Variants in THADA observed in about 807,000 individuals in gnomAD.
THADA encodes tRNA (32-2'-O)-methyltransferase regulator THADA.
In THADA, 213 loss-of-function variants were observed where a neutral mutation model predicts 219.8. The ratio of observed to expected loss-of-function variants is 0.97; its 90% CI spans 0.87 to 1.09. The LOEUF (loss-of-function observed/expected upper bound fraction) is 1.09, where lower values mean the gene tolerates loss of function less well. Among genes scored for constraint, THADA ranks in the 50% least tolerant of loss-of-function variants. The pLI, the probability that THADA is intolerant of heterozygous loss-of-function variation, is 0.00. For synonymous variants in THADA, 1,018 were observed against 828.9 expected (o/e 1.23, Z -3.92); for missense variants, 2,956 against 2,311.3 (o/e 1.28, Z -5.72).
chr2:43,485,381 G>T, intron 25 of THADA, 56 bp from the exon 26 acceptor site: 3 of 1,230,600 alleles, frequency 2.4e-6, no homozygotes, highest in Middle Eastern at 1.9e-4. Flanking sequence ...TGAAACCAAC[G>T]TTTACAATGT....
chr2:43,560,363 C>G lies in THADA; in HGVS notation c.2334G>C (p.Gln778His), dbSNP rs756102827. 3 of 1,594,520 alleles carry G rather than the reference C, an allele frequency of 1.9e-6. 1 individual carries two copies. In the South Asian group the frequency reaches 3.5e-5, roughly 18 times the overall value. The change falls in exon 16 of 38, where the codon CAG becomes CAC. Residue 778 changes from glutamine to histidine, a missense_variant. Physicochemically the swap from Gln to His is conservative, Grantham distance 24. Transcript: ENST00000405975. ...GACCAACATCAATATCATGACTCAG[C>G]TGATATACTGTATAAATTCTGCCTA... ...VPEGRIYTVYQLSHDIDVGRF... is the reference protein window; with the variant it reads ...VPEGRIYTVYHLSHDIDVGRF...
chr2:43,266,955 C>CT (rs1375894744), intron 36 of THADA, among the ~76,000 whole-genome samples: 6 of 152,050 alleles, frequency 3.9e-5, no homozygotes, highest in South Asian at 4.2e-4. Flanking sequence ...GCCATTGCTC[C>CT]TTTTTTTTGG....
At chr2:43,335,786 T>C (rs1373924169) in intron 30 of THADA, among the ~76,000 whole-genome samples, 1 of 137,104 alleles carries the variant, frequency 7.3e-6, no homozygotes, top group Non-Finnish European at 1.5e-5. Context: ...AGCAAGCCCC[T>C]GTCTCTACTT....
At chr2:43,279,718 T>C in intron 36 of THADA, 47 bp downstream of exon 36, 2 of 1,523,654 alleles carry the variant, frequency 1.3e-6, no homozygotes, top group South Asian at 1.3e-5. Context: ...TGTTCCAACC[T>C]CTATCCTGCA....
chr2:43,231,611 A>C (rs1252349282), intron 37 of THADA, among the ~76,000 whole-genome samples: 1 of 152,216 alleles, frequency 6.6e-6, no homozygotes, highest in African/African-American at 2.4e-5. Context: ...TTTGTGGTTC[A>C]AAGTCAAGAT....
intron 7 of THADA, 42 bp from the exon 8 acceptor site, chr2:43,581,970 C>A: frequency 7.1e-7 from 1 of 1,409,064 alleles, no homozygotes; most frequent in Non-Finnish European, 9.4e-7. Flanking sequence ...GAAATTCAAA[C>A]AAAAGTGTGA....
rs1558464607 is a variant in THADA, at chr2:43,248,198, GA to G, written c.5297-15317del. Among the ~76,000 whole-genome samples, 16 of 136,644 alleles carry G rather than the reference GA, an allele frequency of 1.2e-4. No individual in the cohort carries two copies. In the East Asian group the frequency reaches 1.3e-3, roughly 11 times the overall value. 89.6% of individuals were successfully genotyped at this position (136,644 alleles called of 152,430 possible). ...AGAGAGAGAGAGAGAGAGAGAGAGA[GA>G]GAGAGAGAGAGAGAGACAGAGAGAG... On this transcript the variant is annotated intron_variant, in intron 36 of 37. Transcript: ENST00000405975.
At chr2:43,430,506 CT>C in intron 26 of THADA, 2 of 545,414 alleles carry the variant, frequency 3.7e-6, no homozygotes, top group Non-Finnish European at 6.6e-6. Flanking sequence ...AATCCATGAA[CT>C]TTTATCTCAA....
At chr2:43,464,181 C>T (rs938754634) in intron 26 of THADA, among the ~76,000 whole-genome samples, 4 of 152,072 alleles carry the variant, frequency 2.6e-5, no homozygotes, top group African/African-American at 9.7e-5. Flanking sequence ...GTGGGTAAAA[C>T]CAAAAATGTC....
At chr2:43,294,914 C>T (rs1037438029) in intron 31 of THADA, among the ~76,000 whole-genome samples, 8 of 152,140 alleles carry the variant, frequency 5.3e-5, no homozygotes, top group South Asian at 2.1e-4. Context: ...GTAGGAGTCT[C>T]GGGTACCTCC....
chr2:43,272,453 C>T (rs1475266624), intron 36 of THADA, among the ~76,000 whole-genome samples: 1 of 152,164 alleles, frequency 6.6e-6, no homozygotes, highest in South Asian at 2.1e-4. Flanking sequence ...ACAAGCCTGG[C>T]GGACAGGCAC....
Position 43,566,827 on chromosome 2 carries a change from A to AAG in THADA, c.2188-7_2188-6insCT, listed in dbSNP as rs1238692169. On this transcript the variant is annotated splice_region_variant and splice_polypyrimidine_tract_variant and intron_variant, in intron 14 of 37. Transcript: ENST00000405975. ...CAAATGGATGACATGAAATTCTTAA[A>AAG]AAAAAAAAAAAAATTACAGTAAGTA... 22 of 1,431,536 alleles carry AAG rather than the reference A, an allele frequency of 1.5e-5. No individual in the cohort carries two copies. The highest frequency in any genetic ancestry group is 1.9e-5 in the Non-Finnish European group (21 of 1,089,630). 88.7% of individuals were successfully genotyped at this position (1,431,536 alleles called of 1,614,324 possible). A position where few individuals can be genotyped will look rare whatever the true frequency, so the allele number is the denominator to read the frequency against.
At position 43,290,117 on chromosome 2, in the gene THADA, C is replaced by T. The variant is rs1008980089; in HGVS notation, c.5010+1579G>A. Among the ~76,000 whole-genome samples, 30 of 151,712 alleles carry T rather than the reference C, an allele frequency of 2.0e-4. 1 individual carries two copies. Among genetic ancestry groups the T allele is most frequent in the East Asian group, 3.9e-4 (2 of 5,162 alleles). ...CCTCCCGAGTAGCTGGGATTACAGG[C>T]GCCCACCACCACACCCGTCTAATTT... On this transcript the variant is annotated intron_variant, in intron 34 of 37. Coordinates refer to ENST00000405975, the MANE Select transcript of THADA (RefSeq NM_022065.5).
chr2:43,511,992 G>C (rs1203442935), intron 22 of THADA, among the ~76,000 whole-genome samples: 1 of 152,214 alleles, frequency 6.6e-6, no homozygotes, highest in African/African-American at 2.4e-5. Context: ...CACTTGGCTA[G>C]TATAACTGTA....
intron 27 of THADA, among the ~76,000 whole-genome samples, chr2:43,428,476 A>C (rs1678794439): frequency 6.6e-6 from 1 of 152,094 alleles, no homozygotes; most frequent in Non-Finnish European, 1.5e-5. Context: ...GTGGTGGCGC[A>C]TGCCTGTAAT....
chr2:43,502,507 C>T (rs1026979432), intron 24 of THADA, among the ~76,000 whole-genome samples: 4 of 150,716 alleles, frequency 2.7e-5, no homozygotes, highest in African/African-American at 9.8e-5. Flanking sequence ...ATCGCTTGAA[C>T]CTGGAAGGCA....
chr2:43,231,450 C>T, intron 37 of THADA, 107 bp from the exon 38 acceptor site: 3 of 1,201,666 alleles, frequency 2.5e-6, no homozygotes, highest in Non-Finnish European at 3.4e-6. Flanking sequence ...TCCCTTCCCC[C>T]ACCTGACAGA....
At chr2:43,248,322 C>A (rs762214951) in intron 36 of THADA, among the ~76,000 whole-genome samples, 2 of 151,374 alleles carry the variant, frequency 1.3e-5, no homozygotes, top group Non-Finnish European at 2.9e-5. Flanking sequence ...CTCTGCCTCT[C>A]GGGTTCAAGC....
chr2:43,291,558 G>A (rs565815740), intron 34 of THADA, 138 bp downstream of exon 34: 30 of 387,732 alleles, frequency 7.7e-5, no homozygotes, highest in Middle Eastern at 3.5e-4. Context: ...AAACCAGCAC[G>A]AACAATATTT....
Sources: allele counts gnomAD v4.1 joint callset (sites outside exome capture counted in the v4.1 genomes callset), GRCh38; gene constraint gnomAD v4.1.1; transcripts MANE v1.5; gene names NCBI Gene and HGNC (gene_info 2026-07-23, HGNC 2026-07-21).